KCNQ5: variants seen among roughly 807,000 people sequenced by gnomAD.
KCNQ5 encodes potassium voltage-gated channel subfamily KQT member 5.
A neutral mutation model predicts 98.2 loss-of-function variants in KCNQ5; 30 were observed. The ratio of observed to expected loss-of-function variants is 0.31; its 90% CI spans 0.23 to 0.41. The LOEUF (loss-of-function observed/expected upper bound fraction) is 0.41. Among genes scored for constraint, KCNQ5 ranks in the 10% least tolerant of loss-of-function variants. The pLI is 1.00. For synonymous variants in KCNQ5, 458 were observed against 449.4 expected (o/e 1.02, Z -0.24); for missense variants, 835 against 1,182.5 (o/e 0.71, Z 4.31).
At chr6:72,919,123 A>G (rs967996604) in intron 1 of KCNQ5, among the ~76,000 whole-genome samples, 6 of 152,190 alleles carry the variant, frequency 3.9e-5, no homozygotes, top group African/African-American at 1.2e-4. Context: ...TTTTCCCAAA[A>G]TGACTTGATC....
intron 1 of KCNQ5, among the ~76,000 whole-genome samples, chr6:72,891,551 T>C (rs1200373313): frequency 6.6e-6 from 1 of 152,108 alleles, no homozygotes; most frequent in Non-Finnish European, 1.5e-5. Flanking sequence ...GAAAACACCA[T>C]ATAACTAAAA....
chr6:73,034,848 T>C (rs1035536968), intron 2 of KCNQ5, among the ~76,000 whole-genome samples: 9 of 148,614 alleles, frequency 6.1e-5, no homozygotes, highest in African/African-American at 1.7e-4. Context: ...TCTTTTTTTT[T>C]TTTTTTTTTT....
intron 2 of KCNQ5, among the ~76,000 whole-genome samples, chr6:73,009,568 TAAAG>T (rs1047992088): frequency 6.6e-6 from 1 of 151,122 alleles, no homozygotes; most frequent in African/African-American, 2.4e-5. Context: ...AGAAAAACAA[TAAAG>T]AAAATCAATG....
At chr6:72,975,572 C>T (rs1407578211) in intron 1 of KCNQ5, among the ~76,000 whole-genome samples, 1 of 152,160 alleles carries the variant, frequency 6.6e-6, no homozygotes, top group Non-Finnish European at 1.5e-5. Context: ...CAGGTACTTT[C>T]ATGTGTAGTA....
At chr6:72,885,023 T>C (rs7758801) in intron 1 of KCNQ5, among the ~76,000 whole-genome samples, 90,835 of 152,042 alleles carry the variant, frequency 0.6, 27,785 homozygotes, top group East Asian at 0.79. Context: ...TCAGTTACCC[T>C]ATCTTTAAAA....
At chr6:73,076,725 T>C (rs545710022) in intron 3 of KCNQ5, among the ~76,000 whole-genome samples, 11 of 152,296 alleles carry the variant, frequency 7.2e-5, no homozygotes, top group South Asian at 2.1e-4. Flanking sequence ...ACAGGAAGCA[T>C]AGAGTATTCA....
chr6:72,825,839 A>T (rs1775969742), intron 1 of KCNQ5, among the ~76,000 whole-genome samples: 1 of 152,188 alleles, frequency 6.6e-6, no homozygotes, highest in South Asian at 2.1e-4. Context: ...CCAGTCATTT[A>T]TATATTGAAG....
chr6:72,754,172 T>G (rs1771837811), intron 1 of KCNQ5, among the ~76,000 whole-genome samples: 1 of 152,124 alleles, frequency 6.6e-6, no homozygotes, highest in Non-Finnish European at 1.5e-5. Context: ...TTAAGGTGCC[T>G]TTTTTCAGGT....
rs369200971 is a variant in KCNQ5 at position 72,838,819 on chromosome 6, G to A, written c.399-165089G>A. ...CAAAAAATTAGCCGGGCGTGGTAGC[G>A]GGCGCCTGTAGTCCCAGCTACTCGG... is the stretch of plus-strand genomic sequence containing the variant. On this transcript the variant is annotated intron_variant, in intron 1 of 13. Transcript: ENST00000370398. Among the ~76,000 whole-genome samples, 112 of 150,642 alleles carry A rather than the reference G, an allele frequency of 7.4e-4. No homozygotes were observed. In the South Asian group the frequency reaches 0.022, roughly 29 times the overall value.
intron 1 of KCNQ5, among the ~76,000 whole-genome samples, chr6:72,945,789 A>C (rs893017973): frequency 4.6e-5 from 7 of 152,150 alleles, no homozygotes; most frequent in African/African-American, 1.7e-4. Flanking sequence ...GATTATATCA[A>C]ACAAATTAAC....
intron 1 of KCNQ5, among the ~76,000 whole-genome samples, chr6:72,932,379 A>G (rs1765727824): frequency 6.6e-6 from 1 of 152,144 alleles, no homozygotes; most frequent in South Asian, 2.1e-4. Context: ...CTAAGCCTGA[A>G]TAACTGAGAA....
chr6:72,786,883 G>T (rs1470674197), intron 1 of KCNQ5, among the ~76,000 whole-genome samples: 1 of 151,694 alleles, frequency 6.6e-6, no homozygotes, highest in African/African-American at 2.4e-5. Flanking sequence ...GCGGGCACCT[G>T]TAGTCCCAGC....
intron 1 of KCNQ5, among the ~76,000 whole-genome samples, chr6:72,808,924 A>G (rs905527693): frequency 1.3e-5 from 2 of 151,914 alleles, no homozygotes; most frequent in African/African-American, 2.4e-5. Context: ...TCATGCTGCT[A>G]TAAAGACACA....
At chr6:72,731,495 C>T (rs565317011) in intron 1 of KCNQ5, among the ~76,000 whole-genome samples, 9 of 152,222 alleles carry the variant, frequency 5.9e-5, no homozygotes, top group Non-Finnish European at 1.3e-4. Flanking sequence ...GACTAACTAA[C>T]GCATCTGTGA....
rs186130856 is a variant in KCNQ5 at position 72,803,205 on chromosome 6, A to G, written c.398+180618A>G. ...CTTGTTTTAAAAGAAACAATTTCAG[A>G]AGTGAAGAGGGGCATGCAATGCCAC... On this transcript the variant is annotated intron_variant, in intron 1 of 13. Coordinates refer to ENST00000370398, the MANE Select transcript of KCNQ5 (RefSeq NM_019842.4). Among the ~76,000 whole-genome samples, 25 of 152,294 alleles carry G rather than the reference A, an allele frequency of 1.6e-4. No homozygotes were observed. In the East Asian group the frequency reaches 4.6e-3, roughly 28 times the overall value.
chr6:72,862,868 T>A (rs959643385), intron 1 of KCNQ5, among the ~76,000 whole-genome samples: 2 of 152,166 alleles, frequency 1.3e-5, no homozygotes, highest in Admixed American at 1.3e-4. Flanking sequence ...ACTCAAGCAA[T>A]CCTTCTGCCT....
chr6:72,778,532 C>T (rs1341738358), intron 1 of KCNQ5, among the ~76,000 whole-genome samples: 1 of 125,220 alleles, frequency 8.0e-6, no homozygotes, highest in Non-Finnish European at 1.8e-5. Context: ...CAGCAAGACC[C>T]TGTCACAGAA....
chr6:73,176,698 G>C (rs1778226480), intron 11 of KCNQ5, among the ~76,000 whole-genome samples: 1 of 152,154 alleles, frequency 6.6e-6, no homozygotes, highest in South Asian at 2.1e-4. Context: ...TGATTGGAGA[G>C]GATGGAGGGA....
At chr6:73,003,833 C>T (rs1769702067) in intron 1 of KCNQ5, 75 bp from the exon 2 acceptor site, 1 of 981,384 alleles carries the variant, frequency 1.0e-6, no homozygotes. Flanking sequence ...GTGCTTTATT[C>T]ATTTGAAGCA....
Sources: allele counts gnomAD v4.1 joint callset (sites outside exome capture counted in the v4.1 genomes callset), GRCh38; gene constraint gnomAD v4.1.1; transcripts MANE v1.5; gene names NCBI Gene and HGNC (gene_info 2026-07-23, HGNC 2026-07-21).